RARB: variants seen among roughly 807,000 people sequenced by gnomAD.
RARB encodes the protein HBV-activated protein.
A neutral mutation model predicts 51.9 loss-of-function variants in RARB; 17 were observed. The ratio of observed to expected loss-of-function variants is 0.33; its 90% CI spans 0.22 to 0.49. The LOEUF is 0.49. RARB is among the 20% of genes least tolerant of loss of function. RARB has a pLI of 0.99. For missense variants in RARB, 369 were observed against 550.8 expected (o/e 0.67, Z 3.30); for synonymous variants, 215 against 195.4 (o/e 1.10, Z -0.84).
intron 3 of RARB, among the ~76,000 whole-genome samples, chr3:25,565,623 A>T (rs1700462053): frequency 6.6e-6 from 1 of 151,896 alleles, no homozygotes. Flanking sequence ...GAATCCACCC[A>T]CTCATTTGGT....
At chr3:25,083,019 C>G (rs1699039102) in intron 3 of RARB, among the ~76,000 whole-genome samples, 1 of 151,924 alleles carries the variant, frequency 6.6e-6, no homozygotes, top group African/African-American at 2.4e-5. Flanking sequence ...TGTATTATTG[C>G]TAATAAACAC....
intron 3 of RARB, 28 bp from the exon 4 acceptor site, chr3:25,569,730 C>T: frequency 1.9e-6 from 3 of 1,606,476 alleles, no homozygotes; most frequent in Non-Finnish European, 2.6e-6. Context: ...TTCAGCGACC[C>T]CTGATGTGCC....
At position 24,976,364 on chromosome 3, in the gene RARB, G is replaced by T. The variant is rs970738728; in HGVS notation, c.-379-83761G>T. The stretch of plus-strand genomic sequence containing the variant: ...CACCACACTGTCTTCCACAATGATT[G>T]AACTAATTTACATTCCCACCAACAA... On this transcript the variant is annotated intron_variant, in intron 2 of 11. Coordinates refer to the RARB transcript ENST00000383772. Among the ~76,000 whole-genome samples, 3 of 152,134 alleles carry T rather than the reference G, an allele frequency of 2.0e-5. No homozygotes were observed. In the South Asian group the frequency reaches 6.2e-4, roughly 32 times the overall value.
At chr3:25,324,928 A>G (rs896187148) in intron 5 of RARB, among the ~76,000 whole-genome samples, 2 of 152,164 alleles carry the variant, frequency 1.3e-5, no homozygotes, top group Non-Finnish European at 2.9e-5. Flanking sequence ...CCAGACCTCA[A>G]GAGAGCGTTC....
intron 5 of RARB, among the ~76,000 whole-genome samples, chr3:25,202,177 C>T (rs996187227): frequency 1.3e-5 from 2 of 152,046 alleles, no homozygotes; most frequent in Admixed American, 6.6e-5. Context: ...GTGTATGTGT[C>T]AAGGAATTTA....
chr3:25,292,156 C>A (rs1325963909), intron 5 of RARB, among the ~76,000 whole-genome samples: 1 of 152,190 alleles, frequency 6.6e-6, no homozygotes, highest in African/African-American at 2.4e-5. Context: ...AGTTGGCTCT[C>A]TTGTCCCCAG....
intron 5 of RARB, among the ~76,000 whole-genome samples, chr3:25,361,844 C>T (rs1705946361): frequency 6.6e-6 from 1 of 152,200 alleles, no homozygotes; most frequent in South Asian, 2.1e-4. Flanking sequence ...CTTTCTCCTT[C>T]CTCTGGAAGC....
intron 3 of RARB, among the ~76,000 whole-genome samples, chr3:25,097,339 A>C (rs867708585): frequency 6.6e-6 from 1 of 152,178 alleles, no homozygotes; most frequent in Non-Finnish European, 1.5e-5. Flanking sequence ...CTCAAAGCAA[A>C]TTTGCAGGTA....
At chr3:25,449,377 A>G (rs1709090364) in intron 1 of RARB, among the ~76,000 whole-genome samples, 1 of 143,532 alleles carries the variant, frequency 7.0e-6, no homozygotes, top group African/African-American at 2.7e-5. Flanking sequence ...CTGACTGGAA[A>G]GAAAACAGGG....
intron 3 of RARB, among the ~76,000 whole-genome samples, chr3:25,101,242 A>G (rs1424280768): frequency 2.0e-5 from 3 of 152,194 alleles, no homozygotes; most frequent in East Asian, 1.9e-4. Flanking sequence ...TTGATGACCT[A>G]TACTATACCT....
At chr3:25,566,180 C>T (rs866406380) in intron 3 of RARB, among the ~76,000 whole-genome samples, 10 of 152,318 alleles carry the variant, frequency 6.6e-5, no homozygotes, top group African/African-American at 1.7e-4. Flanking sequence ...ACTGCGTCTG[C>T]GTTCTTCTAG....
chr3:24,912,667 C>G (rs1575068196), intron 2 of RARB, among the ~76,000 whole-genome samples: 1 of 152,142 alleles, frequency 6.6e-6, no homozygotes, highest in Non-Finnish European at 1.5e-5. Context: ...GAAGAAGCCA[C>G]TATTTCTCAG....
At chr3:25,549,300 C>G (rs745329317) in intron 3 of RARB, among the ~76,000 whole-genome samples, 1 of 152,024 alleles carries the variant, frequency 6.6e-6, no homozygotes, top group East Asian at 1.9e-4. Context: ...AAGATCAATC[C>G]TAGATGAACC....
At chr3:24,871,427 A>G (rs1217259519) in intron 2 of RARB, among the ~76,000 whole-genome samples, 1 of 152,138 alleles carries the variant, frequency 6.6e-6, no homozygotes, top group Non-Finnish European at 1.5e-5. Flanking sequence ...TTTGGCTTTT[A>G]GGGCATTCCC....
intron 2 of RARB, among the ~76,000 whole-genome samples, chr3:25,485,568 A>G (rs1357427768): frequency 1.3e-5 from 2 of 152,062 alleles, no homozygotes; most frequent in African/African-American, 4.8e-5. Flanking sequence ...GACTTGGAAA[A>G]ATGTGTTTCT....
chr3:25,449,567 A>G (rs1262003194), intron 1 of RARB, among the ~76,000 whole-genome samples: 2 of 152,136 alleles, frequency 1.3e-5, no homozygotes, highest in Admixed American at 6.5e-5. Flanking sequence ...AGGGGATGTC[A>G]TAGTCTTCTC....
chr3:25,160,719 A>G (rs184255948), intron 4 of RARB, among the ~76,000 whole-genome samples: 167 of 152,338 alleles, frequency 1.1e-3, no homozygotes, highest in Non-Finnish European at 2.1e-3. Flanking sequence ...TCTGGAGGTC[A>G]GAAGTCCAAA....
chr3:25,014,514 G>A (rs572031088), intron 2 of RARB, among the ~76,000 whole-genome samples: 3 of 152,186 alleles, frequency 2.0e-5, no homozygotes, highest in Non-Finnish European at 2.9e-5. Flanking sequence ...TCATGTAGAC[G>A]AATCTATTTT....
intron 3 of RARB, among the ~76,000 whole-genome samples, chr3:25,068,842 A>G (rs773956810): frequency 1.3e-5 from 2 of 151,920 alleles, no homozygotes; most frequent in Non-Finnish European, 2.9e-5. Flanking sequence ...AGGATGGCCA[A>G]TTCTTTATGG....
Sources: gnomAD v4.1 joint callset for allele counts (sites outside exome capture counted in the v4.1 genomes callset) on GRCh38, gnomAD v4.1.1 for gene constraint, MANE v1.5 for transcripts, NCBI Gene and HGNC (gene_info 2026-07-23, HGNC 2026-07-21) for gene names.